ALMS1: variants seen among roughly 807,000 people sequenced by gnomAD.
The protein encoded by ALMS1 is centrosome-associated protein ALMS1.
A neutral mutation model predicts 352.2 loss-of-function variants in ALMS1; 271 were observed. The ratio of observed to expected loss-of-function variants is 0.77; its 90% confidence interval spans 0.70 to 0.85. ALMS1 has a LOEUF of 0.85. ALMS1 is among the 40% of genes least tolerant of loss of function. ALMS1 has a pLI of 0.00. For missense variants in ALMS1, 5,445 were observed against 4,870.7 expected, an observed-to-expected ratio of 1.12 and a Z score of -3.51; for synonymous variants, 1,865 against 1,761.2, an observed-to-expected ratio of 1.06 and a Z score of -1.48.
In ALMS1 at chr2:73,414,488, T is replaced by G. The variant is rs202156583; in HGVS notation, c.451-4635T>G. Reference sequence around the variant, plus strand: ...CTTTTTTTCCGTTTTTTTTTTTTTTTGTTTTTTTTTTGCTTTATTACACTG... The same window carrying G: ...CTTTTTTTCCGTTTTTTTTTTTTTTGGTTTTTTTTTTGCTTTATTACACTG... On this transcript the variant is annotated intron_variant, in intron 2 of 22. Transcript: ENST00000613296. Among the ~76,000 whole-genome samples, 550 of 78,230 alleles carry G rather than the reference T, an allele frequency of 7.0e-3. 4 individuals carry two copies. Among genetic ancestry groups the G allele is most frequent in the Non-Finnish European group, 0.011 (377 of 33,284 alleles). The allele number at this position is 78,230 out of a possible 152,430, so 51.3% of individuals were successfully genotyped here. A position where few individuals can be genotyped will look rare whatever the true frequency, so the allele number is the denominator to read the frequency against.
chr2:73,553,513 A>G (rs1479862001), intron 13 of ALMS1, among the ~76,000 whole-genome samples: 1 of 152,222 alleles, frequency 6.6e-6, no homozygotes, highest in Non-Finnish European at 1.5e-5. Context: ...ATGAGGATGA[A>G]GTAGGGATTG....
chr2:73,456,613 A>C (rs188498646), intron 9 of ALMS1, among the ~76,000 whole-genome samples: 1 of 152,278 alleles, frequency 6.6e-6, no homozygotes, highest in African/African-American at 2.4e-5. Flanking sequence ...GATTCATACA[A>C]AGTTTCTTAG....
chr2:73,511,885 C>T (rs1673461236), intron 10 of ALMS1, among the ~76,000 whole-genome samples: 1 of 152,130 alleles, frequency 6.6e-6, no homozygotes, highest in Non-Finnish European at 1.5e-5. Flanking sequence ...GGTTGAGAAA[C>T]TGCACTAGGA....
chr2:73,433,219 C>A (rs1324331656), intron 7 of ALMS1, among the ~76,000 whole-genome samples: 1 of 152,144 alleles, frequency 6.6e-6, no homozygotes, highest in Non-Finnish European at 1.5e-5. Context: ...TGTATAGAAT[C>A]TCTGATTTGT....
At chr2:73,425,170 A>G (rs532738954) in intron 5 of ALMS1, among the ~76,000 whole-genome samples, 1 of 152,236 alleles carries the variant, frequency 6.6e-6, no homozygotes, top group Admixed American at 6.5e-5. Flanking sequence ...TTGACTTCTG[A>G]TAGTCATTAT....
In ALMS1 at chr2:73,601,430, C is replaced by G. The variant is rs767174517; in HGVS notation, c.12108C>G (p.Thr4036=). The G allele has an allele frequency of 2.9e-5, 46 of 1,613,930 alleles. No homozygotes were observed. Among genetic ancestry groups the G allele is most frequent in the Non-Finnish European group, 3.6e-5 (43 of 1,179,974 alleles). ...RDLLRPFVRA[T]LQESLQFHRP... ...TACTGAGGCCATTTGTGAGAGCAAC[C>G]CTTCAGGTGCAGTGACGTTGACTTA... The change falls in exon 19 of 23, where the codon ACC becomes ACG. Residue 4036 remains threonine (T), a synonymous_variant. Coordinates refer to ENST00000613296, the MANE Select transcript of ALMS1 (RefSeq NM_001378454.1).
At chr2:73,493,976 C>A (rs915654765) in intron 10 of ALMS1, among the ~76,000 whole-genome samples, 1 of 152,158 alleles carries the variant, frequency 6.6e-6, no homozygotes, top group African/African-American at 2.4e-5. Flanking sequence ...TGTCTCAGAA[C>A]GTTGCAAACA....
chr2:73,433,641 T>A (rs1319559718), intron 7 of ALMS1, among the ~76,000 whole-genome samples: 1 of 152,118 alleles, frequency 6.6e-6, no homozygotes, highest in Non-Finnish European at 1.5e-5. Context: ...ATGCTTGTAA[T>A]CTCAGTACTT....
chr2:73,397,936 T>G (rs1241693046), intron 1 of ALMS1, among the ~76,000 whole-genome samples: 2 of 152,252 alleles, frequency 1.3e-5, no homozygotes, highest in Non-Finnish European at 2.9e-5. Flanking sequence ...TGTCTTTTTA[T>G]TCTTTTGACA....
chr2:73,600,802 A>C lies in ALMS1; in HGVS notation c.11793A>C (p.Glu3931Asp). ...ENSDVTSWSE[E>D]KREEKMLFTG... ...GTGATGTGACTTCTTGGTCAGAAGA[A>C]AAACGTGAAGAGAAAATGCTCTTTA... is the stretch of plus-strand genomic sequence containing the variant. The change falls in exon 18 of 23, where the codon GAA (glutamate) becomes GAC (aspartate). Residue 3931 changes from glutamate (E) to aspartate (D), a missense_variant. Transcript: ENST00000613296. 1 of 1,614,260 alleles carries C rather than the reference A, an allele frequency of 6.2e-7. No homozygotes were observed. The highest frequency in any genetic ancestry group is 1.7e-5 in the Admixed American group (1 of 60,036).
rs1032726170 is a variant in ALMS1, at chr2:73,526,311, G to C, written c.9781+6295G>C. ...TTAGGATTTTTTCTATTTCTGTGAA[G>C]AATGTCATTAGTATTTTGATAGGGA... is the stretch of plus-strand genomic sequence containing the variant. On this transcript the variant is annotated intron_variant, in intron 11 of 22. Coordinates refer to ENST00000613296, the MANE Select transcript of ALMS1 (RefSeq NM_001378454.1). Among the ~76,000 whole-genome samples the C allele has an allele frequency of 4.7e-4, 71 of 152,118 alleles. 1 individual carries two copies. Among genetic ancestry groups the C allele is most frequent in the Non-Finnish European group, 2.1e-4 (14 of 67,978 alleles).
In ALMS1 at chr2:73,407,193, A is replaced by T. The variant is rs116073247; in HGVS notation, c.325-1429A>T. ...GTGAGGGGGTTGGGCATGCTAGCTC[A>T]GGTCTCTCTTCCTCTTCTTATAAAG... On this transcript the variant is annotated intron_variant, in intron 1 of 22. Coordinates refer to ENST00000613296, the MANE Select transcript of ALMS1 (RefSeq NM_001378454.1). Among the ~76,000 whole-genome samples, 968 of 152,278 alleles carry T rather than the reference A, an allele frequency of 6.4e-3. 11 individuals carry two copies. Among genetic ancestry groups the T allele is most frequent in the African/African-American group, 0.021 (857 of 41,550 alleles).
intron 16 of ALMS1, among the ~76,000 whole-genome samples, chr2:73,587,809 A>C (rs1675342675): frequency 6.6e-6 from 1 of 152,240 alleles, no homozygotes; most frequent in African/African-American, 2.4e-5. Context: ...AGATCCAAGT[A>C]AACTCAATTA....
chr2:73,470,411 G>T (rs1401181308), intron 9 of ALMS1: 1 of 151,496 alleles, frequency 6.6e-6, no homozygotes, highest in East Asian at 1.9e-4. Flanking sequence ...AATTTTCCTT[G>T]ATTTCATCTT....
intron 9 of ALMS1, among the ~76,000 whole-genome samples, chr2:73,460,022 C>T (rs540920530): frequency 1.3e-3 from 203 of 152,266 alleles, no homozygotes; most frequent in Non-Finnish European, 2.3e-3. Context: ...CAATTCCATT[C>T]CAGTACTACA....
intron 16 of ALMS1, among the ~76,000 whole-genome samples, chr2:73,587,717 G>C (rs1675341399): frequency 6.6e-6 from 1 of 152,114 alleles, no homozygotes; most frequent in South Asian, 2.1e-4. Flanking sequence ...GTGTTCATCA[G>C]GGATATTGGT....
rs756395931 is a variant in ALMS1 at position 73,489,882 on chromosome 2, A to C, written c.7923A>C (p.Lys2641Asn). ...TAGACCAGAACAACTCCCATTTCAAAGTTTGGAATTCCTTGCAGTTAAAAA... is the reference window on the plus strand; with the variant it reads ...TAGACCAGAACAACTCCCATTTCAACGTTTGGAATTCCTTGCAGTTAAAAA... ...ASLDQNNSHF[K>N]VWNSLQLKSH... Residue 2641 changes from lysine (K) to asparagine (N), a missense_variant, in exon 10 of 23, where the codon AAA (lysine) becomes AAC (asparagine). Transcript: ENST00000613296. The C allele has an allele frequency of 1.2e-6, 2 of 1,614,192 alleles. No homozygotes were observed. Among genetic ancestry groups the C allele is most frequent in the South Asian group, 2.2e-5 (2 of 91,080 alleles).
rs184176032 is a variant in ALMS1, at chr2:73,512,978, A to G, written c.9540-6797A>G. ...CATTAATATTTATTTCTCTATCTGT[A>G]TATATTAAAAACCATATGTTCATCT... is the stretch of plus-strand genomic sequence containing the variant. On this transcript the variant is annotated intron_variant, in intron 10 of 22. Transcript: ENST00000613296. 2.3e-3 allele frequency among the ~76,000 whole-genome samples: 345 copies of G among 152,282 alleles called. 1 individual carries two copies. Among genetic ancestry groups the G allele is most frequent in the Non-Finnish European group, 3.9e-3 (268 of 68,026 alleles).
At position 73,448,787 on chromosome 2, in the gene ALMS1, A is replaced by C. The variant is rs781628262; in HGVS notation, c.2260A>C (p.Thr754Pro). 2.5e-5 allele frequency: 41 copies of C among 1,614,148 alleles called. 2 individuals carry two copies. The South Asian group carries it at 4.4e-4, about 17-fold the overall frequency. The change falls in exon 8 of 23, where the codon ACT becomes CCT. Residue 754 changes from threonine (T) to proline (P), a missense_variant. Physicochemically the swap from Thr to Pro is conservative, Grantham distance 38. Coordinates refer to ENST00000613296, the MANE Select transcript of ALMS1 (RefSeq NM_001378454.1). ...SATPGPADQK[T>P]EIPAVQSSSY... ...CACTCCTGGACCAGCTGACCAGAAG[A>C]CTGAGATACCAGCAGTACAGTCTAG...
Sources: allele counts gnomAD v4.1 joint callset (sites outside exome capture counted in the v4.1 genomes callset), GRCh38; gene constraint gnomAD v4.1.1; transcripts MANE v1.5; gene names NCBI Gene and HGNC (gene_info 2026-07-23, HGNC 2026-07-21).